The following FBXO11 variants were observed in gnomAD, a reference collection of about 807,000 sequenced individuals.
FBXO11 encodes the protein F-box protein 11, also known as F-box only protein 11.
Under a neutral mutation model 117.0 loss-of-function variants are expected in FBXO11, and 13 were observed. The observed-to-expected ratio is 0.11, with a 90% confidence interval of 0.07 to 0.18. FBXO11 has a LOEUF of 0.18. FBXO11 is among the 10% of genes least tolerant of loss of function. The pLI, the probability that FBXO11 is intolerant of heterozygous loss-of-function variation, is 1.00. For missense variants in FBXO11, 767 were observed against 1,164.4 expected (o/e 0.66, Z 4.97); for synonymous variants, 490 against 380.5 (o/e 1.29, Z -3.35).
intron 1 of FBXO11, among the ~76,000 whole-genome samples, chr2:47,897,930 A>G (rs141745358): frequency 1.3e-5 from 2 of 152,140 alleles, no homozygotes; most frequent in Admixed American, 1.3e-4. Context: ...TCTTCACACA[A>G]AAAAAAGGAT....
chr2:47,825,774 A>G (rs1436471209), intron 11 of FBXO11, among the ~76,000 whole-genome samples: 2 of 151,810 alleles, frequency 1.3e-5, no homozygotes, highest in East Asian at 3.9e-4. Context: ...ATGGAGTTTC[A>G]TCATGTCGCC....
At chr2:47,889,176 G>A (rs1193236298) in intron 1 of FBXO11, among the ~76,000 whole-genome samples, 1 of 152,058 alleles carries the variant, frequency 6.6e-6, no homozygotes, top group Non-Finnish European at 1.5e-5. Context: ...CAATATGACT[G>A]CTTCATGAAA....
intron 1 of FBXO11, among the ~76,000 whole-genome samples, chr2:47,844,485 C>T (rs1673255703): frequency 6.6e-6 from 1 of 152,092 alleles, no homozygotes; most frequent in Non-Finnish European, 1.5e-5. Flanking sequence ...CCCCTTAGAA[C>T]ATATGCAGGA....
chr2:47,858,608 G>T (rs1315534961), intron 1 of FBXO11, among the ~76,000 whole-genome samples: 1 of 148,502 alleles, frequency 6.7e-6, no homozygotes, highest in Non-Finnish European at 1.5e-5. Flanking sequence ...CCTGAACCTG[G>T]GAGGCAGAGG....
At chr2:47,902,848 T>A (rs951595879) in intron 1 of FBXO11, among the ~76,000 whole-genome samples, 1 of 151,922 alleles carries the variant, frequency 6.6e-6, no homozygotes, top group Non-Finnish European at 1.5e-5. Context: ...AGTTGTCTGA[T>A]CCACTATTAA....
chr2:47,904,742 G>C (rs919598558), intron 1 of FBXO11, among the ~76,000 whole-genome samples: 2 of 152,138 alleles, frequency 1.3e-5, no homozygotes, highest in Non-Finnish European at 2.9e-5. Flanking sequence ...TCGATAGAGC[G>C]GAAGGGTAAC....
intron 16 of FBXO11, among the ~76,000 whole-genome samples, chr2:47,816,597 A>G (rs367888921): frequency 6.6e-6 from 1 of 152,186 alleles, no homozygotes; most frequent in Non-Finnish European, 1.5e-5. Flanking sequence ...CTGCTTTCTA[A>G]AAAGTATTTC....
intron 1 of FBXO11, among the ~76,000 whole-genome samples, chr2:47,884,128 A>T (rs1007962921): frequency 6.6e-6 from 1 of 152,208 alleles, no homozygotes; most frequent in Non-Finnish European, 1.5e-5. Flanking sequence ...CTGAGGCAGC[A>T]GAATCACTTG....
rs867942219 is a variant in FBXO11, at chr2:47,872,377, T to C, written c.233-32608A>G. On this transcript the variant is annotated intron_variant, in intron 1 of 22. Transcript: ENST00000403359. ...TTCGCTCCTGTTGCACAGGCTGCAC[T>C]GCAATGGTGTAGTCTTGGCTCACTG... Among the ~76,000 whole-genome samples the C allele has an allele frequency of 8.7e-4, 132 of 152,240 alleles. 1 individual carries two copies. Among genetic ancestry groups the C allele is most frequent in the Non-Finnish European group, 1.5e-4 (10 of 68,040 alleles).
Position 47,905,888 on chromosome 2 carries a change from T to G in FBXO11, c.-168A>C. ...CGGAGGGGGCGAGCGGGACCCCGAG[T>G]CCGGAGAAAGGCCCGGGTAGACAGA... is the stretch of plus-strand genomic sequence containing the variant. On this transcript the variant is annotated 5_prime_UTR_variant, in exon 1 of 23. Coordinates refer to ENST00000403359, the MANE Select transcript of FBXO11 (RefSeq NM_001190274.2). 6.9e-6 allele frequency: 5 copies of G among 725,330 alleles called. No individual in the cohort carries two copies. The highest frequency in any genetic ancestry group is 3.7e-5 in the East Asian group (1 of 27,166). The allele number at this position is 725,330 out of a possible 1,614,324, so 44.9% of individuals were successfully genotyped here. A position where few individuals can be genotyped will look rare whatever the true frequency, so the allele number is the denominator to read the frequency against.
chr2:47,852,714 T>C (rs1050592112), intron 1 of FBXO11, among the ~76,000 whole-genome samples: 2 of 152,250 alleles, frequency 1.3e-5, no homozygotes, highest in Non-Finnish European at 2.9e-5. Context: ...CTGCTAACAG[T>C]GTACCTAACA....
chr2:47,890,413 A>G (rs1232404613), intron 1 of FBXO11, among the ~76,000 whole-genome samples: 1 of 152,212 alleles, frequency 6.6e-6, no homozygotes, highest in East Asian at 1.9e-4. Flanking sequence ...TCCAACATTA[A>G]AAATATGTAA....
chr2:47,829,471 C>A (rs983892722), intron 11 of FBXO11, among the ~76,000 whole-genome samples: 9 of 152,088 alleles, frequency 5.9e-5, no homozygotes, highest in African/African-American at 2.2e-4. Flanking sequence ...GAATTCCTGA[C>A]CTCAGGTGAT....
At chr2:47,833,092 G>A in intron 7 of FBXO11, 22 bp from the exon 8 acceptor site, 1 of 1,507,076 alleles carries the variant, frequency 6.6e-7, no homozygotes, top group Non-Finnish European at 9.2e-7. Context: ...ATATTTTAAA[G>A]AATATTACCT....
chr2:47,860,629 A>T (rs1674688925), intron 1 of FBXO11, among the ~76,000 whole-genome samples: 1 of 151,348 alleles, frequency 6.6e-6, no homozygotes, highest in South Asian at 2.1e-4. Flanking sequence ...CTGGTCTCGA[A>T]CTCCTGAACT....
intron 1 of FBXO11, among the ~76,000 whole-genome samples, chr2:47,857,136 G>A (rs961951578): frequency 1.3e-5 from 2 of 152,002 alleles, no homozygotes; most frequent in African/African-American, 4.8e-5. Flanking sequence ...TTTTAATTAG[G>A]GCACCAGATT....
At chr2:47,865,060 G>C (rs763777029) in intron 1 of FBXO11, among the ~76,000 whole-genome samples, 1 of 152,134 alleles carries the variant, frequency 6.6e-6, no homozygotes, top group Non-Finnish European at 1.5e-5. Flanking sequence ...GTTTCCACAG[G>C]AATTAACAGA....
chr2:47,837,254 C>T (rs924769114), intron 4 of FBXO11, among the ~76,000 whole-genome samples: 1 of 152,208 alleles, frequency 6.6e-6, no homozygotes, highest in African/African-American at 2.4e-5. Flanking sequence ...GGGCCGGGCA[C>T]AGTGGCCCAT....
intron 1 of FBXO11, among the ~76,000 whole-genome samples, chr2:47,844,194 T>C: frequency 6.6e-6 from 1 of 152,238 alleles, no homozygotes; most frequent in Non-Finnish European, 1.5e-5. Context: ...GTTTTACTGT[T>C]TCTTTTTCAC....
Sources: allele counts gnomAD v4.1 joint callset (sites outside exome capture counted in the v4.1 genomes callset), GRCh38; gene constraint gnomAD v4.1.1; transcripts MANE v1.5; gene names NCBI Gene and HGNC (gene_info 2026-07-23, HGNC 2026-07-21).